Variants in PRR14L observed in about 807,000 individuals in gnomAD.
PRR14L encodes the protein proline rich 14 like.
A neutral mutation model predicts 155.0 loss-of-function variants in PRR14L; 80 were observed. That is an observed-to-expected ratio of 0.52 (90% confidence interval 0.43 to 0.62). The LOEUF is 0.62. Among genes scored for constraint, PRR14L ranks in the 20% least tolerant of loss-of-function variants. PRR14L has a pLI of 0.00. For missense variants in PRR14L, 2,469 were observed against 2,548.0 expected, an observed-to-expected ratio of 0.97 and a Z score of 0.67; for synonymous variants, 883 against 916.0, an observed-to-expected ratio of 0.96 and a Z score of 0.65.
At chr22:31,719,413 C>CA (rs1469219007) in intron 3 of PRR14L, among the ~76,000 whole-genome samples, 19 of 137,602 alleles carry the variant, frequency 1.4e-4, no homozygotes, top group Non-Finnish European at 2.5e-4. Context: ...GACCTTGTCT[C>CA]AAAAAAAAGA....
chr22:31,741,354 CG>C (rs1265358709), intron 1 of PRR14L, among the ~76,000 whole-genome samples: 2 of 151,072 alleles, frequency 1.3e-5, no homozygotes, highest in Non-Finnish European at 2.9e-5. Context: ...CCCAGCTACT[CG>C]GGAGGCTGAG....
At position 31,715,557 on chromosome 22, in the gene PRR14L, T is replaced by C; in HGVS notation, c.2282A>G (p.Asn761Ser). 3 of 1,552,116 alleles carry C rather than the reference T, an allele frequency of 1.9e-6. No homozygotes were observed. The highest frequency in any genetic ancestry group is 1.7e-4 in the Middle Eastern group (1 of 5,998). Residue 761 changes from asparagine to serine, a missense_variant, in exon 4 of 9, where the codon AAT (asparagine) becomes AGT (serine). Physicochemically the swap from Asn to Ser is conservative, Grantham distance 46 (BLOSUM62 1). Transcript: ENST00000327423. ...AGGAAAGCCAGCTGCTTCTCTCTTATTTGAGCGCAGCCTGGAATGTAGAGC... is the reference window on the plus strand; with the variant it reads ...AGGAAAGCCAGCTGCTTCTCTCTTACTTGAGCGCAGCCTGGAATGTAGAGC... The part of the protein sequence containing the change: ...TKALHSRLRS[N>S]KREAAGFPQV...
chr22:31,713,617 G>C lies in PRR14L; in HGVS notation c.4222C>G (p.Gln1408Glu), dbSNP rs1156814435. 1 of 1,551,710 alleles carries C rather than the reference G, an allele frequency of 6.4e-7. No homozygotes were observed. The highest frequency in any genetic ancestry group is 8.7e-7 in the Non-Finnish European group (1 of 1,146,992). ...TGCGATATCGTATGTGCTTTTTGTTGACGTATATATTTCTCTTCTTTCTGC... is the reference window on the plus strand; with the variant it reads ...TGCGATATCGTATGTGCTTTTTGTTCACGTATATATTTCTCTTCTTTCTGC... ...MLQKEEKYIRQQKAHTISQQC... is the reference protein window; with the variant it reads ...MLQKEEKYIREQKAHTISQQC... Residue 1408 changes from glutamine (Q) to glutamate (E), a missense_variant, in exon 4 of 9, where the codon CAA (glutamine) becomes GAA (glutamate). Gln to Glu is a conservative substitution (Grantham distance 29, BLOSUM62 2). Around this residue, in one of 2 missense-constraint regions of PRR14L, gnomAD observed 2,363 missense variants for 2,371.6 expected, o/e 1.00. Transcript: ENST00000327423.
intron 2 of PRR14L, among the ~76,000 whole-genome samples, chr22:31,735,458 C>G (rs1208498414): frequency 6.7e-6 from 1 of 148,500 alleles, no homozygotes; most frequent in African/African-American, 2.5e-5. Context: ...AAAAAAAGAA[C>G]ACTGAGATAG....
chr22:31,699,729 A>G (rs540514240), intron 7 of PRR14L, among the ~76,000 whole-genome samples: 21 of 152,192 alleles, frequency 1.4e-4, no homozygotes, highest in Non-Finnish European at 3.1e-4. Flanking sequence ...ATAAATTAAC[A>G]TATTTACTTG....
intron 6 of PRR14L, 67 bp downstream of exon 6, chr22:31,703,483 G>A (rs1398296314): frequency 9.0e-6 from 13 of 1,448,672 alleles, no homozygotes; most frequent in African/African-American, 2.8e-5. Flanking sequence ...GCTATAATGC[G>A]ATGTGAGTTG....
chr22:31,735,846 C>A (rs1211668424), intron 2 of PRR14L, among the ~76,000 whole-genome samples: 1 of 151,660 alleles, frequency 6.6e-6, no homozygotes, highest in Non-Finnish European at 1.5e-5. Context: ...GTCGGGAGTT[C>A]GAGACCAGCC....
Position 31,731,909 on chromosome 22 carries a change from C to T in PRR14L, c.475-6299G>A, listed in dbSNP as rs117660718. Among the ~76,000 whole-genome samples, 54 of 152,288 alleles carry T rather than the reference C, an allele frequency of 3.5e-4. 1 individual carries two copies. The East Asian group carries it at 8.9e-3, about 25-fold the overall frequency. ...TTATTCATTTGTAATACAGTTAAGA[C>T]TCACTTGTTATAGTTTCTATTCAGC... is the stretch of plus-strand genomic sequence containing the variant. On this transcript the variant is annotated intron_variant, in intron 2 of 8. Transcript: ENST00000327423.
intron 7 of PRR14L, among the ~76,000 whole-genome samples, chr22:31,698,272 G>A (rs576762976): frequency 2.6e-5 from 4 of 151,978 alleles, no homozygotes; most frequent in South Asian, 2.1e-4. Context: ...TGATATACCC[G>A]CCTTGGCCTC....
chr22:31,748,203 T>C (rs1016423979), intron 1 of PRR14L, among the ~76,000 whole-genome samples: 2 of 152,164 alleles, frequency 1.3e-5, no homozygotes, highest in Non-Finnish European at 2.9e-5. Context: ...GATTCAGACA[T>C]TGTAGCCATT....
At chr22:31,728,447 T>C (rs1569500104) in intron 2 of PRR14L, among the ~76,000 whole-genome samples, 1 of 151,632 alleles carries the variant, frequency 6.6e-6, no homozygotes, top group South Asian at 2.1e-4. Context: ...ACCCTGTCTC[T>C]ACTAAAAAAT....
At chr22:31,731,002 G>A (rs1438136367) in intron 2 of PRR14L, among the ~76,000 whole-genome samples, 2 of 152,092 alleles carry the variant, frequency 1.3e-5, no homozygotes, top group Non-Finnish European at 2.9e-5. Context: ...CTTGGCCACT[G>A]GGAGCCCCTT....
At chr22:31,703,831 CTT>C (rs1569497832) in intron 5 of PRR14L, 110 bp from the exon 6 acceptor site, 11 of 671,522 alleles carry the variant, frequency 1.6e-5, no homozygotes, top group Admixed American at 1.1e-4. Flanking sequence ...GAGTTTTGCT[CTT>C]GTTGCCCAGA....
intron 1 of PRR14L, among the ~76,000 whole-genome samples, chr22:31,749,710 A>G (rs554715002): frequency 1.3e-5 from 2 of 152,186 alleles, no homozygotes; most frequent in South Asian, 2.1e-4. Flanking sequence ...CTCCGAGGAG[A>G]TAAGTTGGGG....
chr22:31,713,180 A>G lies in PRR14L; in HGVS notation c.4659T>C (p.Ser1553=), dbSNP rs888814241. 1 of 1,551,950 alleles carries G rather than the reference A, an allele frequency of 6.4e-7. No individual in the cohort carries two copies. Among genetic ancestry groups the G allele is most frequent in the Non-Finnish European group, 8.7e-7 (1 of 1,147,038 alleles). The change falls in exon 4 of 9, where the codon TCT becomes TCC. Residue 1553 remains serine, a synonymous_variant. Coordinates refer to ENST00000327423, the MANE Select transcript of PRR14L (RefSeq NM_173566.3). ...KIRSSAFLKS[S]SNPIPTKAHR... Reference sequence around the variant, plus strand: ...GCGCTTTTGTGGGGATGGGATTGGAAGAACTCTTTAAAAAGGCAGAACTTC... The same window carrying G: ...GCGCTTTTGTGGGGATGGGATTGGAGGAACTCTTTAAAAAGGCAGAACTTC...
At chr22:31,740,748 T>C (rs1316718154) in intron 1 of PRR14L, among the ~76,000 whole-genome samples, 3 of 152,138 alleles carry the variant, frequency 2.0e-5, no homozygotes, top group Admixed American at 1.3e-4. Context: ...TAAAAGAGCG[T>C]AACGTTATAA....
Position 31,725,574 on chromosome 22 carries a change from G to C in PRR14L, c.511C>G (p.His171Asp). The stretch of plus-strand genomic sequence containing the variant: ...AGAAAATCTTCAGGGAGGTCCACAT[G>C]TGAAAGTTCTTTGCTGGACTGCATC... ...LLMQSSKELS[H>D]VDLPEDFLRS... Residue 171 changes from histidine to aspartate, a missense_variant, in exon 3 of 9, where the codon CAT (histidine) becomes GAT (aspartate). His to Asp is a moderately conservative substitution (Grantham distance 81). Around this residue, in one of 2 missense-constraint regions of PRR14L, gnomAD observed 2,363 missense variants for 2,371.6 expected, o/e 1.00. Transcript: ENST00000327423. The C allele has an allele frequency of 6.4e-7, 1 of 1,551,230 alleles. No individual in the cohort carries two copies. The highest frequency in any genetic ancestry group is 1.7e-4 in the Middle Eastern group (1 of 5,992).
At chr22:31,747,538 G>A (rs1044382374) in intron 1 of PRR14L, among the ~76,000 whole-genome samples, 10 of 150,068 alleles carry the variant, frequency 6.7e-5, no homozygotes, top group Admixed American at 6.1e-4. Context: ...TCCCGGGCTT[G>A]TTTTTCACAT....
At chr22:31,733,513 C>G (rs76030575) in intron 2 of PRR14L, among the ~76,000 whole-genome samples, 15,533 of 152,008 alleles carry the variant, frequency 0.1, 845 homozygotes, top group South Asian at 0.19. Flanking sequence ...CCATGTTGCC[C>G]AGGCTGGTCT....
Sources: gnomAD v4.1 joint callset for allele counts (sites outside exome capture counted in the v4.1 genomes callset) on GRCh38, gnomAD v4.1.1 for gene constraint, gnomAD v4.1.1 regional missense constraint, MANE v1.5 for transcripts, NCBI Gene and HGNC (gene_info 2026-07-23, HGNC 2026-07-21) for gene names.